Variants in MYO18B observed in about 807,000 individuals in gnomAD.
The protein encoded by MYO18B is myosin XVIIIB.
In MYO18B, 204 loss-of-function variants were observed where a neutral mutation model predicts 273.0. That is an observed-to-expected ratio of 0.75 (90% confidence interval 0.67 to 0.84). MYO18B has a LOEUF of 0.84. Among genes scored for constraint, MYO18B ranks in the 40% least tolerant of loss-of-function variants. The pLI is 0.00. For missense variants in MYO18B, 3,212 were observed against 3,287.6 expected (o/e 0.98, Z 0.56); for synonymous variants, 1,330 against 1,305.7 (o/e 1.02, Z -0.40).
chr22:25,949,158 A>G (rs1218517496), intron 36 of MYO18B, among the ~76,000 whole-genome samples: 1 of 152,184 alleles, frequency 6.6e-6, no homozygotes, highest in Admixed American at 6.5e-5. Flanking sequence ...GCAGTTGGAG[A>G]GGAGCAGCCA....
intron 12 of MYO18B, among the ~76,000 whole-genome samples, chr22:25,812,948 C>T (rs1441928972): frequency 6.6e-6 from 1 of 151,954 alleles, no homozygotes; most frequent in Non-Finnish European, 1.5e-5. Context: ...CTCTGTCCCT[C>T]CTTCCCTCCT....
the MYO18B span, among the ~76,000 whole-genome samples, chr22:26,060,092 T>G: frequency 6.6e-6 from 1 of 152,216 alleles, no homozygotes; most frequent in Admixed American, 6.5e-5. Flanking sequence ...AGTAAAGCAT[T>G]CGTACATCCC....
intron 1 of MYO18B, among the ~76,000 whole-genome samples, chr22:25,751,873 C>T (rs139862812): frequency 6.6e-6 from 1 of 152,088 alleles, no homozygotes; most frequent in Admixed American, 6.6e-5. Context: ...CGGTTTTAAC[C>T]GTGGAGTAAA....
chr22:25,787,435 C>A (rs748284981), intron 11 of MYO18B, among the ~76,000 whole-genome samples: 3 of 151,964 alleles, frequency 2.0e-5, no homozygotes, highest in Admixed American at 2.0e-4. Context: ...CCAGGGACCC[C>A]GCTTTGAGAA....
chr22:26,035,093 A>T (rs1569317315), downstream of MYO18B, among the ~76,000 whole-genome samples: 2 of 152,148 alleles, frequency 1.3e-5, no homozygotes, highest in Admixed American at 1.3e-4. Context: ...TGTCTGCATG[A>T]TATTTTGCCA....
At chr22:25,890,337 A>G (rs555337159) in intron 25 of MYO18B, among the ~76,000 whole-genome samples, 1 of 152,326 alleles carries the variant, frequency 6.6e-6, no homozygotes, top group East Asian at 1.9e-4. Flanking sequence ...TTACTGAGGG[A>G]CAGTGTTGGT....
intron 11 of MYO18B, among the ~76,000 whole-genome samples, chr22:25,797,124 G>C (rs556077984): frequency 6.6e-6 from 1 of 152,298 alleles, no homozygotes; most frequent in South Asian, 2.1e-4. Flanking sequence ...CTACTCAGGA[G>C]GCTGAGGTGA....
intron 21 of MYO18B, among the ~76,000 whole-genome samples, chr22:25,862,434 T>A (rs2090764522): frequency 6.6e-6 from 1 of 152,224 alleles, no homozygotes; most frequent in Non-Finnish European, 1.5e-5. Flanking sequence ...CCTTAAGTAT[T>A]TGAATTACGT....
intron 39 of MYO18B, among the ~76,000 whole-genome samples, chr22:25,974,267 A>C (rs1402056687): frequency 6.6e-6 from 1 of 152,192 alleles, no homozygotes; most frequent in Non-Finnish European, 1.5e-5. Context: ...TAGAGCCTTC[A>C]AGCCAGAAAA....
intron 34 of MYO18B, among the ~76,000 whole-genome samples, chr22:25,931,681 C>CTTTTT (rs71311530): frequency 5.7e-5 from 7 of 123,520 alleles, no homozygotes; most frequent in Non-Finnish European, 6.8e-5. Flanking sequence ...TTTCTTTTTT[C>CTTTTT]TTTTTTTTTT....
intron 32 of MYO18B, 115 bp downstream of exon 32, chr22:25,908,547 C>T: frequency 2.5e-6 from 2 of 800,378 alleles, no homozygotes; most frequent in Non-Finnish European, 2.1e-6. Context: ...CAAGCTCTTT[C>T]TGCAATCATC....
chr22:25,748,047 C>G (rs1369227829), intron 1 of MYO18B, among the ~76,000 whole-genome samples: 2 of 152,180 alleles, frequency 1.3e-5, no homozygotes, highest in African/African-American at 4.8e-5. Context: ...ACTTCTGCGG[C>G]AGAAGGCAGG....
chr22:26,007,671 A>G (rs1009590734), intron 42 of MYO18B, among the ~76,000 whole-genome samples: 4 of 152,182 alleles, frequency 2.6e-5, no homozygotes, highest in Non-Finnish European at 5.9e-5. Flanking sequence ...TGAGTTGCAA[A>G]GGACCACCGG....
At chr22:25,957,537 G>T (rs753828014) in intron 39 of MYO18B, among the ~76,000 whole-genome samples, 38 of 152,364 alleles carry the variant, frequency 2.5e-4, no homozygotes, top group South Asian at 6.2e-4. Flanking sequence ...TGAAAGGAGT[G>T]TTCGTTTCCT....
At chr22:26,051,380 C>T in the MYO18B span, among the ~76,000 whole-genome samples, 8 of 151,986 alleles carry the variant, frequency 5.3e-5, no homozygotes, top group East Asian at 1.9e-4. Flanking sequence ...CCCACCACCG[C>T]GCCCGGCTAA....
At chr22:25,829,316 G>A (rs547412346) in intron 15 of MYO18B, among the ~76,000 whole-genome samples, 2 of 152,130 alleles carry the variant, frequency 1.3e-5, no homozygotes, top group Admixed American at 1.3e-4. Flanking sequence ...ATCTGCCCAG[G>A]GGGGGAATGC....
intron 43 of MYO18B, among the ~76,000 whole-genome samples, chr22:26,029,916 G>T (rs747977878): frequency 2.6e-5 from 4 of 152,118 alleles, no homozygotes; most frequent in Admixed American, 2.6e-4. Context: ...TAAATGCCAG[G>T]TTACTTTGGA....
chr22:26,032,009 G>C (rs1233970095), downstream of MYO18B, among the ~76,000 whole-genome samples: 2 of 152,210 alleles, frequency 1.3e-5, no homozygotes, highest in Non-Finnish European at 2.9e-5. Flanking sequence ...CCAAAAGCTC[G>C]CCAACACTTA....
At chr22:26,043,591 A>G in the MYO18B span, among the ~76,000 whole-genome samples, 2 of 145,534 alleles carry the variant, frequency 1.4e-5, no homozygotes, top group African/African-American at 2.6e-5. Flanking sequence ...GCTCACTGCA[A>G]CCTCTGCCTC....
Sources: allele counts gnomAD v4.1 joint callset (sites outside exome capture counted in the v4.1 genomes callset), GRCh38; gene constraint gnomAD v4.1.1; transcripts MANE v1.5; gene names NCBI Gene and HGNC (gene_info 2026-07-23, HGNC 2026-07-21).